WDR72: variants seen among roughly 807,000 people sequenced by gnomAD.
WDR72 encodes the protein WD repeat domain 72, also known as WD repeat-containing protein 72.
In WDR72, 120 loss-of-function variants were observed where a neutral mutation model predicts 124.2. The observed-to-expected ratio is 0.97, with a 90% CI of 0.83 to 1.12. WDR72 has a LOEUF of 1.12. Among genes scored for constraint, WDR72 ranks in the 50% most tolerant of loss-of-function variants. The pLI is 0.00. For synonymous variants in WDR72, 452 were observed against 441.7 expected (o/e 1.02, Z -0.29); for missense variants, 1,387 against 1,278.8 (o/e 1.08, Z -1.29).
chr15:53,690,123 A>G lies in WDR72; in HGVS notation c.1765+9627T>C, dbSNP rs201881245. On this transcript the variant is annotated intron_variant, in intron 13 of 19. Coordinates refer to ENST00000360509, the MANE Select transcript of WDR72 (RefSeq NM_182758.4). ...GGAGATATACCTAATGCTAGATGAC[A>G]AGTTAGTGGGTGCAGCGCACCAGCA... Among the ~76,000 whole-genome samples, 124 of 150,264 alleles carry G rather than the reference A, an allele frequency of 8.3e-4. 1 individual carries two copies. The highest frequency in any genetic ancestry group is 3.4e-3 in the Middle Eastern group (1 of 292).
chr15:53,549,835 T>C (rs1893654118), intron 18 of WDR72, among the ~76,000 whole-genome samples: 1 of 152,194 alleles, frequency 6.6e-6, no homozygotes, highest in Non-Finnish European at 1.5e-5. Context: ...GGCCTTATTT[T>C]TGTGCCCAAC....
At chr15:53,563,510 T>C (rs939777372) in intron 18 of WDR72, among the ~76,000 whole-genome samples, 4 of 151,792 alleles carry the variant, frequency 2.6e-5, no homozygotes, top group Non-Finnish European at 4.4e-5. Context: ...GTTTGGTACA[T>C]AGGTAAACAC....
chr15:53,689,397 T>C (rs1313361399), intron 13 of WDR72, among the ~76,000 whole-genome samples: 18 of 149,404 alleles, frequency 1.2e-4, no homozygotes, highest in Admixed American at 1.3e-4. Flanking sequence ...CATCAAAAAG[T>C]GGGCAAAGGA....
At chr15:53,730,808 A>G (rs956624119) in intron 2 of WDR72, among the ~76,000 whole-genome samples, 14 of 152,290 alleles carry the variant, frequency 9.2e-5, no homozygotes, top group South Asian at 4.1e-4. Context: ...AAATAAAATT[A>G]AACCACTAAG....
At chr15:53,578,386 T>G (rs60043908) in intron 18 of WDR72, among the ~76,000 whole-genome samples, 11,511 of 152,136 alleles carry the variant, frequency 0.076, 1,356 homozygotes, top group African/African-American at 0.25. Context: ...GAAAAACCTT[T>G]AGGCAGGAGG....
intron 17 of WDR72, among the ~76,000 whole-genome samples, chr15:53,598,911 A>AT: frequency 6.6e-6 from 1 of 152,118 alleles, no homozygotes; most frequent in Non-Finnish European, 1.5e-5. Flanking sequence ...GCCTATTAAT[A>AT]TCTACCATAT....
At chr15:53,700,739 C>A (rs775262307) in intron 12 of WDR72, among the ~76,000 whole-genome samples, 3 of 151,884 alleles carry the variant, frequency 2.0e-5, no homozygotes, top group Non-Finnish European at 2.9e-5. Context: ...TTTCCTAATT[C>A]TTTATTAAGT....
intron 2 of WDR72, among the ~76,000 whole-genome samples, 177 bp from the exon 3 acceptor site, chr15:53,723,085 A>G (rs994730451): frequency 2.6e-5 from 4 of 152,214 alleles, no homozygotes; most frequent in Non-Finnish European, 5.9e-5. Context: ...TTCTAGGTAG[A>G]GGAATTGTGC....
At chr15:53,607,222 T>C (rs1308041297) in intron 17 of WDR72, among the ~76,000 whole-genome samples, 1 of 151,944 alleles carries the variant, frequency 6.6e-6, no homozygotes, top group Non-Finnish European at 1.5e-5. Flanking sequence ...ACCAGTCCTC[T>C]AAGTCAACTC....
In WDR72 at chr15:53,666,026, G is replaced by T. The variant is rs554375778; in HGVS notation, c.1766-258C>A. 7.6e-4 allele frequency among the ~76,000 whole-genome samples: 116 copies of T among 152,252 alleles called. 1 individual carries two copies. The highest frequency in any genetic ancestry group is 3.7e-3 in the South Asian group (18 of 4,828). On this transcript the variant is annotated intron_variant, in intron 13 of 19. Coordinates refer to ENST00000360509, the MANE Select transcript of WDR72 (RefSeq NM_182758.4). ...ACTGAAATCAACAGGAGATTCGATA[G>T]TCTTTAATAGTAAAATCTCTTACTT...
intron 17 of WDR72, among the ~76,000 whole-genome samples, chr15:53,604,112 G>A (rs1284368112): frequency 6.6e-6 from 1 of 152,098 alleles, no homozygotes; most frequent in African/African-American, 2.4e-5. Context: ...AAAACAGCAA[G>A]GTACTGGTAC....
chr15:53,534,643 A>T (rs1025379526), intron 18 of WDR72, among the ~76,000 whole-genome samples: 1 of 152,134 alleles, frequency 6.6e-6, no homozygotes, highest in African/African-American at 2.4e-5. Context: ...CCTAACATCC[A>T]CAGACACACT....
In WDR72 at chr15:53,699,839, G is replaced by C. The variant is rs151224179; in HGVS notation, c.1676C>G (p.Pro559Arg). 4 of 1,613,996 alleles carry C rather than the reference G, an allele frequency of 2.5e-6. No homozygotes were observed. The African/African-American group carries it at 5.3e-5, about 22-fold the overall frequency. Residue 559 changes from proline to arginine, a missense_variant, in exon 13 of 20, where the codon CCT becomes CGT. Coordinates refer to ENST00000360509, the MANE Select transcript of WDR72 (RefSeq NM_182758.4). Reference protein sequence around the residue: ...CLLHARKHLFPVRMIKWHPVE... With the variant: ...CLLHARKHLFRVRMIKWHPVE... ...CGGGTGCCATTTTATCATCCTCACAGGAAAAAGGTGCTTCCGGGCATGCAG... is the reference window on the plus strand; with the variant it reads ...CGGGTGCCATTTTATCATCCTCACACGAAAAAGGTGCTTCCGGGCATGCAG...
intron 2 of WDR72, among the ~76,000 whole-genome samples, chr15:53,726,766 C>T (rs1253757882): frequency 6.6e-6 from 1 of 152,068 alleles, no homozygotes; most frequent in African/African-American, 2.4e-5. Context: ...ATCGCTTGAG[C>T]TCTAACAGTC....
At chr15:53,649,679 A>G (rs1303820319) in intron 14 of WDR72, among the ~76,000 whole-genome samples, 1 of 152,204 alleles carries the variant, frequency 6.6e-6, no homozygotes, top group African/African-American at 2.4e-5. Context: ...ATATATGCAA[A>G]ATGCTCAATA....
rs148093551 is a variant in WDR72 at position 53,609,492 on chromosome 15, T to A, written c.2952+21A>T. 540 of 1,605,768 alleles carry A rather than the reference T, an allele frequency of 3.4e-4. 6 individuals carry two copies. In the African/African-American group the frequency reaches 6.8e-3, roughly 20 times the overall value. On this transcript the variant is annotated intron_variant, in intron 17 of 19. Transcript: ENST00000360509. ...GCAAGGAACTCTTCTAATAACGTCA[T>A]GAATGTGAATTATATCATACCTGCA... is the stretch of plus-strand genomic sequence containing the variant.
At chr15:53,644,131 A>T (rs2014957036) in intron 14 of WDR72, among the ~76,000 whole-genome samples, 1 of 152,176 alleles carries the variant, frequency 6.6e-6, no homozygotes, top group African/African-American at 2.4e-5. Flanking sequence ...CCTTGAGTAA[A>T]TTTAAATATT....
chr15:53,548,089 G>A (rs913840890), intron 18 of WDR72, among the ~76,000 whole-genome samples: 2 of 152,168 alleles, frequency 1.3e-5, no homozygotes, highest in Non-Finnish European at 2.9e-5. Flanking sequence ...ACCTTATCTG[G>A]TGAAAAATAA....
chr15:53,687,239 C>T (rs1275151648), intron 13 of WDR72, among the ~76,000 whole-genome samples: 4 of 145,240 alleles, frequency 2.8e-5, no homozygotes, highest in Non-Finnish European at 4.5e-5. Context: ...AATAGAGACA[C>T]AAAAAACCCT....
Sources: gnomAD v4.1 joint callset for allele counts (sites outside exome capture counted in the v4.1 genomes callset) on GRCh38, gnomAD v4.1.1 for gene constraint, MANE v1.5 for transcripts, NCBI Gene and HGNC (gene_info 2026-07-23, HGNC 2026-07-21) for gene names.